Variants in FBN1 observed in about 807,000 individuals in gnomAD.
FBN1 encodes fibrillin 1, also known as fibrillin-1.
A neutral mutation model predicts 365.1 loss-of-function variants in FBN1; 29 were observed. That is an observed-to-expected ratio of 0.08 (90% CI 0.06 to 0.11). FBN1 has a LOEUF of 0.11. Among genes scored for constraint, FBN1 ranks in the 10% least tolerant of loss-of-function variants. The pLI is 1.00. For synonymous variants in FBN1, 1,210 were observed against 1,270.5 expected (o/e 0.95, Z 1.01); for missense variants, 2,476 against 3,703.2 (o/e 0.67, Z 8.60).
intron 49 of FBN1, among the ~76,000 whole-genome samples, chr15:48,443,830 T>G (rs1291223836): frequency 2.0e-5 from 3 of 152,124 alleles, no homozygotes; most frequent in African/African-American, 7.2e-5. Flanking sequence ...GCCAGGAGTT[T>G]GAGGCCAGCC....
At chr15:48,638,039 T>TA (rs1466351124) in intron 2 of FBN1, among the ~76,000 whole-genome samples, 1 of 145,744 alleles carries the variant, frequency 6.9e-6, no homozygotes, top group African/African-American at 2.5e-5. Flanking sequence ...CTGATAAACT[T>TA]TTTTTTTTTT....
chr15:48,420,375 C>G (rs2042930588), intron 63 of FBN1, among the ~76,000 whole-genome samples: 1 of 152,116 alleles, frequency 6.6e-6, no homozygotes, highest in African/African-American at 2.4e-5. Flanking sequence ...TTTTTTGACC[C>G]CTGATATGAA....
rs1566928781 is a variant in FBN1 at position 48,568,053 on chromosome 15, A to AAAGAAAGAAAGAAAG, written c.538+28215_538+28229dup. Among the ~76,000 whole-genome samples, 543 of 95,460 alleles carry AAAGAAAGAAAGAAAG rather than the reference A, an allele frequency of 5.7e-3. 2 individuals are homozygous for AAAGAAAGAAAGAAAG. The highest frequency in any genetic ancestry group is 0.016 in the East Asian group (54 of 3,274). The allele number at this position is 95,460 out of a possible 152,430, so 62.6% of individuals were successfully genotyped here. A position where few individuals can be genotyped will look rare whatever the true frequency, so the allele number is the denominator to read the frequency against. ...AGAAAGAAAGAAAGAAAGAAAGAAG[A>AAAGAAAGAAAGAAAG]AAGAAAGAAAGAAAGAAAGAAAGAA... On this transcript the variant is annotated intron_variant, in intron 6 of 65. Transcript: ENST00000316623.
intron 6 of FBN1, among the ~76,000 whole-genome samples, chr15:48,550,996 G>T (rs984276180): frequency 7.2e-6 from 1 of 138,224 alleles, no homozygotes; most frequent in African/African-American, 2.6e-5. Flanking sequence ...AATGAATGGA[G>T]GATGCAAAAT....
chr15:48,451,557 C>T (rs533454682), intron 45 of FBN1, among the ~76,000 whole-genome samples: 1 of 152,310 alleles, frequency 6.6e-6, no homozygotes, highest in African/African-American at 2.4e-5. Context: ...CAGTGCACTT[C>T]CTACCACTTA....
intron 15 of FBN1, among the ~76,000 whole-genome samples, chr15:48,505,935 A>G (rs144005812): frequency 1.6e-3 from 238 of 152,306 alleles, no homozygotes; most frequent in African/African-American, 5.3e-3. Context: ...GAAGTAAATG[A>G]TTTTAGGCCA....
intron 6 of FBN1, among the ~76,000 whole-genome samples, chr15:48,581,708 A>C (rs571430279): frequency 2.6e-5 from 4 of 152,344 alleles, no homozygotes; most frequent in African/African-American, 9.6e-5. Context: ...ACTGAAAATC[A>C]AAAAGGTGTG....
intron 61 of FBN1, 34 bp downstream of exon 61, chr15:48,421,918 C>CG (rs757035718): frequency 2.7e-5 from 40 of 1,469,788 alleles, no homozygotes; most frequent in Non-Finnish European, 3.6e-5. Context: ...AGAATCGCTA[C>CG]AATCCATGTA....
chr15:48,548,173 C>T (rs2044112281), intron 6 of FBN1, among the ~76,000 whole-genome samples: 1 of 152,114 alleles, frequency 6.6e-6, no homozygotes, highest in African/African-American at 2.4e-5. Flanking sequence ...ATTTTATGGT[C>T]GTCCATTTTT....
Position 48,456,754 on chromosome 15 carries a change from C to A in FBN1, c.5305G>T (p.Glu1769Ter). The change falls in exon 44 of 66, where the codon GAG (glutamate) becomes TAG (stop). Residue 1769 changes from glutamate (E) to a stop codon, truncating the protein, a stop_gained. Coordinates refer to ENST00000316623, the MANE Select transcript of FBN1 (RefSeq NM_000138.5). LOFTEE classifies it high-confidence loss of function. ...IYTGLPVDIDECREIPGVCEN... is the reference protein window; with the variant it reads ...IYTGLPVDID ...CAGACCCCTGGGATCTCCCGGCACT[C>A]ATCAATATCTAGAGACAGAGTAGTC... is the stretch of plus-strand genomic sequence containing the variant. 6.2e-7 allele frequency: 1 copy of A among 1,613,452 alleles called. No homozygotes were observed. The highest frequency in any genetic ancestry group is 1.1e-5 in the South Asian group (1 of 91,060).
rs955639059 is a variant in FBN1 at position 48,503,825 on chromosome 15, A to T, written c.2075T>A (p.Phe692Tyr). The change falls in exon 17 of 66, where the codon TTT (phenylalanine) becomes TAT (tyrosine). Residue 692 changes from phenylalanine to tyrosine, a missense_variant. Phe to Tyr is a conservative substitution (Grantham distance 22). This residue lies in a region of FBN1 where 1,780 missense variants were observed against 2,840.8 expected (regional missense o/e 0.63). Transcript: ENST00000316623. ...ECCCASTEYA[F>Y]GEPCQPCPAQ... ...AGGACACGGCTGGCAAGGTTCCCCAAATGCATACTCAGTGCTGGCGCAACA... is the reference window on the plus strand; with the variant it reads ...AGGACACGGCTGGCAAGGTTCCCCATATGCATACTCAGTGCTGGCGCAACA... The T allele has an allele frequency of 1.1e-5, 17 of 1,614,020 alleles. No homozygotes were observed. The highest frequency in any genetic ancestry group is 1.4e-5 in the Non-Finnish European group (16 of 1,180,024).
intron 6 of FBN1, among the ~76,000 whole-genome samples, chr15:48,542,118 T>TGATC (rs764909616): frequency 9.2e-5 from 14 of 152,220 alleles, no homozygotes; most frequent in Non-Finnish European, 1.5e-4. Flanking sequence ...CTGCAGCCTC[T>TGATC]GATCCTCAGC....
intron 10 of FBN1, among the ~76,000 whole-genome samples, 157 bp from the exon 11 acceptor site, chr15:48,516,519 T>C (rs1186903737): frequency 2.6e-5 from 4 of 152,216 alleles, no homozygotes; most frequent in African/African-American, 9.6e-5. Flanking sequence ...ACCAACTGAC[T>C]GGATTCCCAT....
At chr15:48,466,593 C>T (rs1400218123) in intron 38 of FBN1, among the ~76,000 whole-genome samples, 8 of 152,148 alleles carry the variant, frequency 5.3e-5, no homozygotes, top group Non-Finnish European at 8.8e-5. Context: ...TTCATAATGT[C>T]ATGGTCTGTC....
chr15:48,483,001 T>A (rs1247343952), intron 31 of FBN1, among the ~76,000 whole-genome samples: 1 of 152,118 alleles, frequency 6.6e-6, no homozygotes, highest in Admixed American at 6.5e-5. Flanking sequence ...TTCCAAGTAA[T>A]TTACACTTCA....
chr15:48,642,152 T>G (rs1597650770), intron 2 of FBN1: 1 of 152,146 alleles, frequency 6.6e-6, no homozygotes, highest in Non-Finnish European at 1.5e-5. Context: ...CAGAGGTGGG[T>G]GGATCGCTTG....
rs1413340123 is a variant in FBN1 at position 48,408,992 on chromosome 15, C to T, written c.*1998G>A. 6.6e-6 allele frequency: 1 copy of T among 152,178 alleles called. No homozygotes were observed. Among genetic ancestry groups the T allele is most frequent in the Non-Finnish European group, 1.5e-5 (1 of 68,030 alleles). The allele number at this position is 152,178 out of a possible 1,614,324, so 9.4% of individuals were successfully genotyped here. ...CTATCACATGGTTCCATAGGTGCAGCGTTAGAAGGAAATTTTGAGTTATAT... is the reference window on the plus strand; with the variant it reads ...CTATCACATGGTTCCATAGGTGCAGTGTTAGAAGGAAATTTTGAGTTATAT... On this transcript the variant is annotated 3_prime_UTR_variant, in exon 66 of 66. Coordinates refer to ENST00000316623, the MANE Select transcript of FBN1 (RefSeq NM_000138.5).
chr15:48,416,181 C>G (rs984587856), intron 63 of FBN1, among the ~76,000 whole-genome samples: 1 of 152,196 alleles, frequency 6.6e-6, no homozygotes, highest in Non-Finnish European at 1.5e-5. Flanking sequence ...TCTTGCAGTT[C>G]TCTGCGTACT....
chr15:48,610,383 T>C (rs1366081484), intron 4 of FBN1, among the ~76,000 whole-genome samples: 1 of 152,224 alleles, frequency 6.6e-6, no homozygotes, highest in Non-Finnish European at 1.5e-5. Context: ...CCTAGATTTC[T>C]TGAGCCAAAA....
Sources: gnomAD v4.1 joint callset for allele counts (sites outside exome capture counted in the v4.1 genomes callset) on GRCh38, gnomAD v4.1.1 for gene constraint, gnomAD v4.1.1 regional missense constraint, MANE v1.5 for transcripts, NCBI Gene and HGNC (gene_info 2026-07-23, HGNC 2026-07-21) for gene names.